Variants in APBA1 observed in about 807,000 individuals in gnomAD.
The protein encoded by APBA1 is amyloid beta precursor protein binding family A member 1.
A neutral mutation model predicts 86.6 loss-of-function variants in APBA1; 55 were observed. That is an observed-to-expected ratio of 0.64 (90% CI 0.51 to 0.80). The LOEUF (loss-of-function observed/expected upper bound fraction) is 0.80. APBA1 is among the 30% of genes least tolerant of loss of function. The probability of loss-of-function intolerance (pLI) is 0.00; values close to 1 mark genes in which losing one functional copy is unlikely to be tolerated. For synonymous variants in APBA1, 511 were observed against 493.9 expected, an observed-to-expected ratio of 1.03 and a Z score of -0.46; for missense variants, 1,090 against 1,183.0, an observed-to-expected ratio of 0.92 and a Z score of 1.15.
chr9:69,576,131 A>G (rs1320133834), intron 1 of APBA1, among the ~76,000 whole-genome samples: 4 of 152,242 alleles, frequency 2.6e-5, no homozygotes, highest in African/African-American at 9.6e-5. Context: ...TGGCCATCAG[A>G]GAAATGCAAA....
chr9:69,475,987 A>G, intron 3 of APBA1, 61 bp downstream of exon 3: 1 of 1,355,030 alleles, frequency 7.4e-7, no homozygotes. Context: ...TAGGAAGCAC[A>G]GAACAGTATT....
At chr9:69,607,275 A>T (rs1822495114) in intron 1 of APBA1, among the ~76,000 whole-genome samples, 1 of 152,188 alleles carries the variant, frequency 6.6e-6, no homozygotes, top group African/African-American at 2.4e-5. Context: ...GATGTCTTAC[A>T]TGGTGGCAGG....
At chr9:69,551,796 C>T (rs1248666701) in intron 1 of APBA1, among the ~76,000 whole-genome samples, 1 of 152,148 alleles carries the variant, frequency 6.6e-6, no homozygotes, top group Non-Finnish European at 1.5e-5. Context: ...AGTGCAAAAC[C>T]TGTGTACCAT....
chr9:69,483,321 T>C (rs4744902), intron 2 of APBA1, among the ~76,000 whole-genome samples: 15,502 of 152,030 alleles, frequency 0.1, 947 homozygotes, highest in East Asian at 0.28. Context: ...AGGTAAGTCC[T>C]GAGCAAAGGA....
At chr9:69,655,549 A>G (rs1823592252) in intron 1 of APBA1, among the ~76,000 whole-genome samples, 1 of 152,166 alleles carries the variant, frequency 6.6e-6, no homozygotes, top group African/African-American at 2.4e-5. Context: ...GATCTCTACA[A>G]TGAAAACTAT....
chr9:69,467,742 T>C (rs1359876497), intron 5 of APBA1, 81 bp downstream of exon 5: 3 of 1,541,566 alleles, frequency 1.9e-6, no homozygotes, highest in East Asian at 2.3e-5. Flanking sequence ...AAACTATATG[T>C]GGAGTTGTGG....
At chr9:69,571,319 T>A (rs1381461642) in intron 1 of APBA1, among the ~76,000 whole-genome samples, 1 of 152,224 alleles carries the variant, frequency 6.6e-6, no homozygotes, top group African/African-American at 2.4e-5. Context: ...TAAAAGTCTA[T>A]CCAGTATTTT....
intron 1 of APBA1, among the ~76,000 whole-genome samples, chr9:69,573,760 A>G (rs1170415215): frequency 1.3e-5 from 2 of 151,940 alleles, no homozygotes; most frequent in African/African-American, 2.4e-5. Context: ...CACACATATT[A>G]CTCTTGGAGG....
At chr9:69,546,920 A>C (rs572558325) in intron 1 of APBA1, among the ~76,000 whole-genome samples, 1 of 152,388 alleles carries the variant, frequency 6.6e-6, no homozygotes, top group South Asian at 2.1e-4. Flanking sequence ...ATGAGATCAC[A>C]TATGTGAAAA....
chr9:69,517,551 A>G (rs1836188419), intron 1 of APBA1, among the ~76,000 whole-genome samples: 1 of 152,166 alleles, frequency 6.6e-6, no homozygotes, highest in South Asian at 2.1e-4. Context: ...TCCACCACGC[A>G]TACGATTCAG....
intron 1 of APBA1, among the ~76,000 whole-genome samples, chr9:69,648,417 A>G (rs527300928): frequency 2.0e-5 from 3 of 152,200 alleles, no homozygotes; most frequent in Non-Finnish European, 1.5e-5. Flanking sequence ...CTATTAGCCA[A>G]GTTTACATTT....
chr9:69,598,543 C>T (rs1437562226), intron 1 of APBA1, among the ~76,000 whole-genome samples: 2 of 151,892 alleles, frequency 1.3e-5, no homozygotes, highest in Admixed American at 6.6e-5. Context: ...CCCCAGTAGA[C>T]TCTTTAAGGT....
chr9:69,468,367 G>A (rs78806238), intron 4 of APBA1, among the ~76,000 whole-genome samples: 6,663 of 152,222 alleles, frequency 0.044, 499 homozygotes, highest in African/African-American at 0.15. Context: ...CTGGATAAAT[G>A]CTTAAGTAAC....
chr9:69,575,534 G>T (rs529867564), intron 1 of APBA1, among the ~76,000 whole-genome samples: 1 of 152,194 alleles, frequency 6.6e-6, no homozygotes, highest in Non-Finnish European at 1.5e-5. Context: ...ACAGAACAGA[G>T]TCCTCAGAAA....
Position 69,516,352 on chromosome 9 carries a change from C to T in APBA1, c.859G>A (p.Asp287Asn). 1 of 1,598,764 alleles carries T rather than the reference C, an allele frequency of 6.3e-7. No individual in the cohort carries two copies. The highest frequency in any genetic ancestry group is 8.5e-7 in the Non-Finnish European group (1 of 1,177,814). The change falls in exon 2 of 13, where the codon GAC becomes AAC. Residue 287 changes from aspartate to asparagine, a missense_variant. Coordinates refer to ENST00000265381, the MANE Select transcript of APBA1 (RefSeq NM_001163.4). The surrounding 1 kb of genome is among the most constrained non-coding windows in gnomAD (Gnocchi z 7.3). ...TCAGGCATGTCCTCGGCTGCCTTGT[C>T]GAGGCTCTGCGAGCTCATGCTCTGC... is the stretch of plus-strand genomic sequence containing the variant. Reference protein sequence around the residue: ...VKQSMSSQSLDKAAEDMPEAE... With the variant: ...VKQSMSSQSLNKAAEDMPEAE...
At chr9:69,469,677 G>C (rs1835335551) in intron 4 of APBA1, among the ~76,000 whole-genome samples, 1 of 152,128 alleles carries the variant, frequency 6.6e-6, no homozygotes, top group Admixed American at 6.5e-5. Context: ...GGCTATATAT[G>C]ATATACAGTT....
chr9:69,550,988 A>C (rs1008559670), intron 1 of APBA1, among the ~76,000 whole-genome samples: 7 of 152,230 alleles, frequency 4.6e-5, no homozygotes, highest in African/African-American at 1.7e-4. Flanking sequence ...AAATACATAC[A>C]TTATATGAAT....
chr9:69,652,555 A>G (rs528610473), intron 1 of APBA1, among the ~76,000 whole-genome samples: 53 of 152,372 alleles, frequency 3.5e-4, no homozygotes, highest in Middle Eastern at 3.4e-3. Context: ...AAAAAGAAAT[A>G]AAAGAAGAAA....
intron 1 of APBA1, among the ~76,000 whole-genome samples, chr9:69,568,302 T>C (rs72719029): frequency 0.31 from 47,250 of 151,932 alleles, 7,651 homozygotes; most frequent in South Asian, 0.43. Flanking sequence ...AGATCCAGAG[T>C]TTTCTCTTCA....
Sources: gnomAD v4.1 joint callset for allele counts (sites outside exome capture counted in the v4.1 genomes callset) on GRCh38, gnomAD v4.1.1 for gene constraint, Gnocchi (gnomAD v3.1) non-coding constraint, MANE v1.5 for transcripts, NCBI Gene and HGNC (gene_info 2026-07-23, HGNC 2026-07-21) for gene names.